LCT: variants seen among roughly 807,000 people sequenced by gnomAD.
The protein encoded by LCT is lactase/phlorizin hydrolase.
LCT carries 90 observed loss-of-function variants against 173.0 expected under a neutral mutation model. The observed-to-expected ratio is 0.52, with a 90% CI of 0.44 to 0.62. LCT has a LOEUF of 0.62. LCT is among the 20% of genes least tolerant of loss of function. The probability of loss-of-function intolerance (pLI) is 0.00; values close to 1 mark genes in which losing one functional copy is unlikely to be tolerated. For missense variants in LCT, 1,864 were observed against 2,431.4 expected (o/e 0.77, Z 4.91); for synonymous variants, 853 against 957.6 (o/e 0.89, Z 2.02).
intron 9 of LCT, 95 bp from the exon 10 acceptor site, chr2:135,805,152 C>G (rs2077659308): frequency 8.2e-7 from 1 of 1,223,730 alleles, no homozygotes; most frequent in African/African-American, 1.5e-5. Context: ...AGGACGTTTA[C>G]TCTTTTGTGA....
chr2:135,830,657 A>G (rs1387861751), intron 2 of LCT, among the ~76,000 whole-genome samples: 1 of 152,186 alleles, frequency 6.6e-6, no homozygotes, highest in East Asian at 1.9e-4. Context: ...TCAGGCATAA[A>G]TGGGTTAATA....
In LCT at chr2:135,804,875, G is replaced by A. The variant is rs751641786; in HGVS notation, c.4356C>T (p.Ser1452=). Residue 1452 remains serine (S), a synonymous_variant, in exon 10 of 17, where the codon TCC becomes TCT. Transcript: ENST00000264162. The stretch of plus-strand genomic sequence containing the variant: ...TTCCATCAGGGAGGATGCGAGACCA[G>A]GAGATGGAAAAACGGTAGTGGGACA... The part of the protein sequence containing the change: ...LGVSHYRFSI[S]WSRILPDGTT... 6.2e-7 allele frequency: 1 copy of A among 1,614,162 alleles called. No individual in the cohort carries two copies.
chr2:135,816,508 A>G (rs1184431622), intron 6 of LCT, among the ~76,000 whole-genome samples: 1 of 152,236 alleles, frequency 6.6e-6, no homozygotes, highest in African/African-American at 2.4e-5. Context: ...AATAAAGCCA[A>G]CGAGGGGAAC....
chr2:135,796,941 ATTTTTTTTTTT>A (rs997582132), intron 13 of LCT, among the ~76,000 whole-genome samples: 1 of 118,762 alleles, frequency 8.4e-6, no homozygotes, highest in East Asian at 2.4e-4. Context: ...TGGGAGCTGG[ATTTTTTTTTTT>A]TTTTTTTTTT....
intron 5 of LCT, chr2:135,821,742 T>G (rs1310232899): frequency 6.8e-6 from 3 of 442,998 alleles, no homozygotes; most frequent in Non-Finnish European, 1.2e-5. Context: ...TTCCCACCTT[T>G]GCCTACCAGA....
chr2:135,808,967 T>C lies in LCT; in HGVS notation c.3380A>G (p.His1127Arg). The change falls in exon 8 of 17, where the codon CAC becomes CGC. Residue 1127 changes from histidine to arginine, a missense_variant. Around this residue, in one of 4 missense-constraint regions of LCT, gnomAD observed 755 missense variants for 926.3 expected, o/e 0.82. Coordinates refer to ENST00000264162, the MANE Select transcript of LCT (RefSeq NM_002299.4). ...CCCTGGTGACTTGGGCTCTGCCCAG[T>C]GTGTACTGAGGCTCAGCGAGATGAC... ...KGVISLSLST[H>R]WAEPKSPGVP... The C allele has an allele frequency of 6.2e-7, 1 of 1,613,574 alleles. No individual in the cohort carries two copies. Among genetic ancestry groups the C allele is most frequent in the South Asian group, 1.1e-5 (1 of 91,056 alleles).
At chr2:135,812,234 G>T in intron 7 of LCT, 77 bp downstream of exon 7, 1 of 1,230,330 alleles carries the variant, frequency 8.1e-7, no homozygotes, top group Non-Finnish European at 1.2e-6. Flanking sequence ...GACTTTCTTT[G>T]TCTTATTAAA....
chr2:135,800,474 C>T (rs1286237043), intron 12 of LCT, 133 bp downstream of exon 12: 1 of 793,618 alleles, frequency 1.3e-6, no homozygotes, highest in East Asian at 2.6e-5. Flanking sequence ...ATCCTCCTGC[C>T]TCAGACTTCC....
rs1425681146 is a variant in LCT at position 135,790,901 on chromosome 2, A to G, written c.5112-20T>C. 1 of 1,573,274 alleles carries G rather than the reference A, an allele frequency of 6.4e-7. No homozygotes were observed. Among genetic ancestry groups the G allele is most frequent in the Non-Finnish European group, 8.8e-7 (1 of 1,142,758 alleles). ...ACTCCTCTACAAGTTCAAAAACTAA[A>G]GATGAGGTCTTGTTTTGTAAATCTC... On this transcript the variant is annotated intron_variant, in intron 14 of 16. Coordinates refer to ENST00000264162, the MANE Select transcript of LCT (RefSeq NM_002299.4). The surrounding 1 kb of genome is among the most constrained non-coding windows in gnomAD (Gnocchi z 4.1).
At chr2:135,820,981 CA>C (rs2077823898) in intron 5 of LCT, among the ~76,000 whole-genome samples, 1 of 151,840 alleles carries the variant, frequency 6.6e-6, no homozygotes, top group Admixed American at 6.6e-5. Flanking sequence ...CCAGGGTTCA[CA>C]CCATTCTCCT....
At chr2:135,818,134 G>T in intron 5 of LCT, 73 bp from the exon 6 acceptor site, 1 of 1,555,856 alleles carries the variant, frequency 6.4e-7, no homozygotes, top group South Asian at 1.1e-5. Flanking sequence ...CCCTACGGAT[G>T]ACTACTGTGT....
intron 3 of LCT, among the ~76,000 whole-genome samples, chr2:135,825,440 G>A (rs948596334): frequency 2.0e-5 from 3 of 152,296 alleles, no homozygotes; most frequent in South Asian, 2.1e-4. Context: ...GGCGTGCTTA[G>A]GGAAGCAAGG....
In LCT at chr2:135,808,581, G is replaced by A. The variant is rs746831557; in HGVS notation, c.3766C>T (p.Leu1256=). The A allele has an allele frequency of 1.9e-6, 3 of 1,614,108 alleles. No individual in the cohort carries two copies. Among genetic ancestry groups the A allele is most frequent in the African/African-American group, 2.7e-5 (2 of 74,942 alleles). Residue 1256 remains leucine, a synonymous_variant, in exon 8 of 17, where the codon CTG becomes TTG. Coordinates refer to ENST00000264162, the MANE Select transcript of LCT (RefSeq NM_002299.4). ...TACTCTTCCTTGATCCAGTTCAGCA[G>A]CCTTCGCGTCCCCCAGGGCGCAGCT... ...NRAAPWGTRR[L]LNWIKEEYGD...
chr2:135,800,945 C>A, intron 11 of LCT, 136 bp from the exon 12 acceptor site: 1 of 713,542 alleles, frequency 1.4e-6, no homozygotes, highest in Non-Finnish European at 2.5e-6. Flanking sequence ...AACTGGAATT[C>A]AAACCCTGGC....
At chr2:135,793,924 C>G (rs1216131769) in intron 14 of LCT, among the ~76,000 whole-genome samples, 1 of 149,696 alleles carries the variant, frequency 6.7e-6, no homozygotes, top group African/African-American at 2.5e-5. Context: ...CAAAATTAGC[C>G]GAGACCATTC....
rs940427091 is a variant in LCT, at chr2:135,788,235, G to A, written c.*89C>T. 9 of 917,590 alleles carry A rather than the reference G, an allele frequency of 9.8e-6. No homozygotes were observed. Among genetic ancestry groups the A allele is most frequent in the African/African-American group, 1.6e-5 (1 of 61,740 alleles). The allele number at this position is 917,590 out of a possible 1,614,324, so 56.8% of individuals were successfully genotyped here. ...GACTTTATGGAGAAGTCCAGTATCA[G>A]CAGAGTCTAAGACCCTAAGGTGTTT... On this transcript the variant is annotated 3_prime_UTR_variant, in exon 17 of 17. Transcript: ENST00000264162.
At chr2:135,825,753 C>T (rs1174152856) in intron 3 of LCT, among the ~76,000 whole-genome samples, 1 of 152,182 alleles carries the variant, frequency 6.6e-6, no homozygotes, top group East Asian at 1.9e-4. Flanking sequence ...GAGGGCTGTG[C>T]AGGTGCTCCG....
intron 2 of LCT, among the ~76,000 whole-genome samples, chr2:135,830,590 C>A (rs1045469180): frequency 6.6e-6 from 1 of 152,208 alleles, no homozygotes; most frequent in Non-Finnish European, 1.5e-5. Flanking sequence ...TTACTTATAT[C>A]CTACTGCTCA....
In LCT at chr2:135,804,814, A is replaced by G; in HGVS notation, c.4417T>C (p.Tyr1473His). 1 of 1,613,724 alleles carries G rather than the reference A, an allele frequency of 6.2e-7. No individual in the cohort carries two copies. Among genetic ancestry groups the G allele is most frequent in the Non-Finnish European group, 8.5e-7 (1 of 1,180,038 alleles). ...AGCAGTGTATCGATGAGCCTCACGT[A>G]GTAGTTCAGGCCCGCTTCATTGATG... ...RYINEAGLNY[Y>H]VRLIDTLLAA... The change falls in exon 10 of 17, where the codon TAC (tyrosine) becomes CAC (histidine). Residue 1473 changes from tyrosine (Y) to histidine (H), a missense_variant. This residue lies in a region of LCT where 514 missense variants were observed against 750.1 expected (regional missense o/e 0.69). Coordinates refer to ENST00000264162, the MANE Select transcript of LCT (RefSeq NM_002299.4).
Sources: allele counts gnomAD v4.1 joint callset (sites outside exome capture counted in the v4.1 genomes callset), GRCh38; gene constraint gnomAD v4.1.1; regional missense constraint gnomAD v4.1.1; non-coding constraint Gnocchi (gnomAD v3.1); transcripts MANE v1.5; gene names NCBI Gene and HGNC (gene_info 2026-07-23, HGNC 2026-07-21).